CPNE8: variants seen among roughly 807,000 people sequenced by gnomAD.
CPNE8 encodes the protein copine 8.
A neutral mutation model predicts 81.5 loss-of-function variants in CPNE8; 45 were observed. The observed-to-expected ratio is 0.55, with a 90% CI of 0.44 to 0.71. The LOEUF is 0.71. Among genes scored for constraint, CPNE8 ranks in the 30% least tolerant of loss-of-function variants. The pLI is 0.00. For missense variants in CPNE8, 594 were observed against 672.1 expected (o/e 0.88, Z 1.28); for synonymous variants, 252 against 226.3 (o/e 1.11, Z -1.02).
intron 9 of CPNE8, among the ~76,000 whole-genome samples, chr12:38,761,512 A>ATTATT (rs1280580094): frequency 1.3e-5 from 2 of 152,226 alleles, no homozygotes; most frequent in African/African-American, 4.8e-5. Context: ...AAACTTAATA[A>ATTATT]TAGTTCTATG....
At chr12:38,850,414 T>C (rs899126561) in intron 3 of CPNE8, among the ~76,000 whole-genome samples, 5 of 152,158 alleles carry the variant, frequency 3.3e-5, no homozygotes, top group Admixed American at 6.5e-5. Flanking sequence ...CTATTAGCCC[T>C]TAAAACACAC....
intron 6 of CPNE8, among the ~76,000 whole-genome samples, chr12:38,789,183 A>T (rs11833677): frequency 0.066 from 10,007 of 152,010 alleles, 1,073 homozygotes; most frequent in African/African-American, 0.23. Flanking sequence ...GAGAAATTAC[A>T]TTACCTGACT....
intron 1 of CPNE8, among the ~76,000 whole-genome samples, chr12:38,879,209 G>C (rs566943264): frequency 6.6e-6 from 1 of 152,310 alleles, no homozygotes; most frequent in South Asian, 2.1e-4. Flanking sequence ...CCCATTTGCA[G>C]CGGGGAGGAG....
intron 7 of CPNE8, among the ~76,000 whole-genome samples, chr12:38,773,809 G>C (rs1216213456): frequency 6.6e-6 from 1 of 151,982 alleles, no homozygotes; most frequent in Non-Finnish European, 1.5e-5. Flanking sequence ...GAGTACACTT[G>C]TGCATTCTAC....
rs1555139436 is a variant in CPNE8, at chr12:38,653,818, C to T, written c.*64G>A. On this transcript the variant is annotated 3_prime_UTR_variant, in exon 20 of 20. Transcript: ENST00000331366. ...TCATTGCCTGGTTCATTACAGAGCA[C>T]CAGGCACAAAGCATTAACTCAGCAC... is the stretch of plus-strand genomic sequence containing the variant. 193 of 1,560,640 alleles carry T rather than the reference C, an allele frequency of 1.2e-4. 6 individuals carry two copies. In the South Asian group the frequency reaches 2.3e-3, roughly 19 times the overall value.
intron 10 of CPNE8, among the ~76,000 whole-genome samples, chr12:38,731,965 C>T (rs144785563): frequency 1.2e-3 from 178 of 151,852 alleles, no homozygotes; most frequent in African/African-American, 4.1e-3. Flanking sequence ...TCCTCCATTG[C>T]TATGCAAGTT....
intron 7 of CPNE8, 94 bp from the exon 8 acceptor site, chr12:38,767,832 G>T: frequency 1.3e-6 from 1 of 768,562 alleles, no homozygotes; most frequent in Non-Finnish European, 2.0e-6. Flanking sequence ...AAACATATTT[G>T]CTATTTTAAT....
intron 10 of CPNE8, among the ~76,000 whole-genome samples, chr12:38,747,183 G>C (rs1296031640): frequency 1.3e-5 from 2 of 152,162 alleles, no homozygotes; most frequent in Non-Finnish European, 2.9e-5. Flanking sequence ...GAAACTACTA[G>C]CACCAATATT....
chr12:38,823,096 C>G (rs969872861), intron 6 of CPNE8, among the ~76,000 whole-genome samples: 5 of 152,144 alleles, frequency 3.3e-5, no homozygotes. Context: ...TCTCTAAGTG[C>G]ATTCACAGTC....
chr12:38,896,298 T>C (rs1944388311), intron 1 of CPNE8, among the ~76,000 whole-genome samples: 1 of 152,050 alleles, frequency 6.6e-6, no homozygotes, highest in Admixed American at 6.6e-5. Flanking sequence ...ACAAAAACCC[T>C]CACAATTTGA....
intron 6 of CPNE8, among the ~76,000 whole-genome samples, chr12:38,808,614 GA>G (rs1386787061): frequency 9.0e-5 from 9 of 99,866 alleles, no homozygotes; most frequent in African/African-American, 3.5e-4. Flanking sequence ...GGGGTGGGGG[GA>G]GGGGGGAGGG....
chr12:38,722,176 G>A (rs1199542574), intron 13 of CPNE8, among the ~76,000 whole-genome samples: 1 of 152,006 alleles, frequency 6.6e-6, no homozygotes, highest in Non-Finnish European at 1.5e-5. Flanking sequence ...AGTTTTTACA[G>A]GAATAAAATA....
intron 1 of CPNE8, among the ~76,000 whole-genome samples, chr12:38,895,009 A>G (rs1944370658): frequency 6.6e-6 from 1 of 152,086 alleles, no homozygotes; most frequent in Non-Finnish European, 1.5e-5. Context: ...CAGTTATGGC[A>G]ATTATAATCA....
chr12:38,767,507 A>G (rs1941713760), intron 8 of CPNE8, 128 bp downstream of exon 8: 1 of 549,034 alleles, frequency 1.8e-6, no homozygotes. Flanking sequence ...TGCAAAAATC[A>G]TATCAATTTT....
chr12:38,795,841 G>C (rs921911173), intron 6 of CPNE8, among the ~76,000 whole-genome samples: 1 of 128,470 alleles, frequency 7.8e-6, no homozygotes, highest in African/African-American at 2.8e-5. Flanking sequence ...ACTTAAAATG[G>C]TAAATATGAT....
intron 10 of CPNE8, among the ~76,000 whole-genome samples, chr12:38,741,612 T>C (rs1024736093): frequency 5.3e-5 from 8 of 152,138 alleles, no homozygotes; most frequent in African/African-American, 1.2e-4. Flanking sequence ...ATTCAGGACA[T>C]AGGCATGGGC....
intron 6 of CPNE8, among the ~76,000 whole-genome samples, chr12:38,797,591 G>C (rs1258502618): frequency 2.0e-5 from 3 of 152,080 alleles, no homozygotes. Context: ...AAACCACAAA[G>C]ATGGGGAAAA....
At chr12:38,732,579 A>C (rs1307111698) in intron 10 of CPNE8, among the ~76,000 whole-genome samples, 1 of 151,808 alleles carries the variant, frequency 6.6e-6, no homozygotes, top group Non-Finnish European at 1.5e-5. Flanking sequence ...TTCTGAAAGG[A>C]CCCTTTTTAT....
At chr12:38,858,492 A>G (rs1335645426) in intron 3 of CPNE8, among the ~76,000 whole-genome samples, 1 of 152,266 alleles carries the variant, frequency 6.6e-6, no homozygotes, top group Admixed American at 6.5e-5. Flanking sequence ...AGTCATATTT[A>G]TACTCACTTT....
Sources: allele counts gnomAD v4.1 joint callset (sites outside exome capture counted in the v4.1 genomes callset), GRCh38; gene constraint gnomAD v4.1.1; transcripts MANE v1.5; gene names NCBI Gene and HGNC (gene_info 2026-07-23, HGNC 2026-07-21).